Variants in ASIC2 observed in about 807,000 individuals in gnomAD.
ASIC2 encodes acid sensing ion channel subunit 2.
A neutral mutation model predicts 57.3 loss-of-function variants in ASIC2; 25 were observed. The observed-to-expected ratio is 0.44, with a 90% CI of 0.32 to 0.61. The LOEUF (loss-of-function observed/expected upper bound fraction) is 0.61. Ranked by LOEUF, ASIC2 falls within the 20% of genes least tolerant of loss-of-function variation. The pLI is 0.06. For synonymous variants in ASIC2, 319 were observed against 307.5 expected, an observed-to-expected ratio of 1.04 and a Z score of -0.39; for missense variants, 641 against 738.1, an observed-to-expected ratio of 0.87 and a Z score of 1.52.
intron 1 of ASIC2, among the ~76,000 whole-genome samples, chr17:33,320,475 G>T (rs945845992): frequency 2.6e-5 from 4 of 152,194 alleles, no homozygotes; most frequent in Non-Finnish European, 5.9e-5. Flanking sequence ...CAGACCTAGG[G>T]AAGGTGGTGG....
intron 1 of ASIC2, among the ~76,000 whole-genome samples, chr17:34,031,512 C>G (rs976901555): frequency 3.3e-5 from 5 of 152,128 alleles, no homozygotes; most frequent in East Asian, 3.9e-4. Flanking sequence ...GCTGCATGGA[C>G]AATGACTTTG....
At chr17:33,331,941 A>G (rs559247857) in intron 1 of ASIC2, among the ~76,000 whole-genome samples, 1 of 152,336 alleles carries the variant, frequency 6.6e-6, no homozygotes, top group South Asian at 2.1e-4. Flanking sequence ...GGAGCTTTTG[A>G]AAAATAGGAC....
intron 8 of ASIC2, among the ~76,000 whole-genome samples, 155 bp from the exon 9 acceptor site, chr17:33,016,194 C>T (rs1194588926): frequency 6.6e-6 from 1 of 152,194 alleles, no homozygotes; most frequent in Non-Finnish European, 1.5e-5. Flanking sequence ...GCTCCAGGTG[C>T]CTGTCTGTCT....
intron 1 of ASIC2, among the ~76,000 whole-genome samples, chr17:33,872,671 C>A (rs1278399866): frequency 6.6e-6 from 1 of 152,096 alleles, no homozygotes; most frequent in African/African-American, 2.4e-5. Context: ...GAAGGAACAC[C>A]CCTTAAGACC....
At chr17:33,759,308 G>A (rs566571513) in intron 1 of ASIC2, among the ~76,000 whole-genome samples, 12 of 152,234 alleles carry the variant, frequency 7.9e-5, no homozygotes, top group East Asian at 1.9e-4. Context: ...CATATCTGGC[G>A]GAAAAAATTT....
At chr17:34,029,719 C>G (rs1227288087) in intron 1 of ASIC2, among the ~76,000 whole-genome samples, 2 of 152,206 alleles carry the variant, frequency 1.3e-5, no homozygotes, top group Admixed American at 6.5e-5. Context: ...AAGCAGCTAT[C>G]TGCAAGTCAG....
intron 1 of ASIC2, among the ~76,000 whole-genome samples, chr17:33,649,591 A>G (rs72811190): frequency 0.043 from 6,517 of 152,304 alleles, 171 homozygotes; most frequent in South Asian, 0.12. Context: ...GAAAAAGAGG[A>G]TCAAGTGGTA....
At chr17:33,444,321 A>C (rs1380937106) in intron 1 of ASIC2, among the ~76,000 whole-genome samples, 2 of 152,224 alleles carry the variant, frequency 1.3e-5, no homozygotes, top group Non-Finnish European at 1.5e-5. Flanking sequence ...GTCAAAGAGT[A>C]AAAGCTCTTT....
chr17:33,403,754 A>G (rs1047121195), intron 1 of ASIC2, among the ~76,000 whole-genome samples: 2 of 152,176 alleles, frequency 1.3e-5, no homozygotes, highest in East Asian at 3.9e-4. Context: ...TTTTACTTCT[A>G]TTAAAGAATC....
intron 1 of ASIC2, among the ~76,000 whole-genome samples, chr17:33,900,998 T>C (rs1915220308): frequency 6.6e-6 from 1 of 152,180 alleles, no homozygotes; most frequent in African/African-American, 2.4e-5. Flanking sequence ...TTGATTTAGG[T>C]GCTTCTTTTG....
At chr17:33,045,866 ACCCTCAGCTG>A (rs1204594921) in intron 3 of ASIC2, among the ~76,000 whole-genome samples, 1 of 151,972 alleles carries the variant, frequency 6.6e-6, no homozygotes, top group African/African-American at 2.4e-5. Context: ...TCCAACTTCC[ACCCTCAGCTG>A]AAGAATCTGA....
chr17:33,394,814 C>T (rs373165910), intron 1 of ASIC2, among the ~76,000 whole-genome samples: 1 of 152,094 alleles, frequency 6.6e-6, no homozygotes, highest in Non-Finnish European at 1.5e-5. Context: ...TTGGTCATGT[C>T]GTTTTTGAAT....
intron 3 of ASIC2, among the ~76,000 whole-genome samples, chr17:33,041,596 A>G (rs1263952780): frequency 6.6e-6 from 1 of 152,190 alleles, no homozygotes; most frequent in Non-Finnish European, 1.5e-5. Context: ...CTAAGCCAGA[A>G]CTCGGGTTCT....
At chr17:34,105,933 A>G (rs1366726603) in intron 1 of ASIC2, among the ~76,000 whole-genome samples, 1 of 152,070 alleles carries the variant, frequency 6.6e-6, no homozygotes, top group East Asian at 1.9e-4. Context: ...TCAATCTAGT[A>G]TACCATCCAT....
intron 1 of ASIC2, among the ~76,000 whole-genome samples, chr17:33,995,631 C>A (rs74475406): frequency 6.6e-6 from 1 of 151,920 alleles, no homozygotes. Flanking sequence ...TACATACACA[C>A]GCATATAAAC....
At chr17:33,032,761 T>C (rs1166181575) in intron 3 of ASIC2, among the ~76,000 whole-genome samples, 5 of 152,226 alleles carry the variant, frequency 3.3e-5, no homozygotes, top group African/African-American at 9.6e-5. Flanking sequence ...CTGTTAATAT[T>C]ATTTTTGCCT....
At chr17:33,408,645 C>T (rs1312871959) in intron 1 of ASIC2, among the ~76,000 whole-genome samples, 1 of 152,176 alleles carries the variant, frequency 6.6e-6, no homozygotes, top group East Asian at 1.9e-4. Flanking sequence ...AGTAATAACG[C>T]CTTTATCCTC....
intron 1 of ASIC2, among the ~76,000 whole-genome samples, chr17:33,139,827 G>A (rs1207657573): frequency 1.3e-5 from 2 of 152,162 alleles, no homozygotes; most frequent in African/African-American, 4.8e-5. Context: ...AGAACTAGGA[G>A]GCAGGAAGAA....
chr17:33,959,445 G>A (rs1345728982), intron 1 of ASIC2, among the ~76,000 whole-genome samples: 4 of 152,224 alleles, frequency 2.6e-5, no homozygotes, highest in Non-Finnish European at 4.4e-5. Flanking sequence ...TCCCACAATA[G>A]GCTATCTGCA....
Sources: allele counts gnomAD v4.1 joint callset (sites outside exome capture counted in the v4.1 genomes callset), GRCh38; gene constraint gnomAD v4.1.1; transcripts MANE v1.5; gene names NCBI Gene and HGNC (gene_info 2026-07-23, HGNC 2026-07-21).